SLC25A27: variants seen among roughly 807,000 people sequenced by gnomAD.
SLC25A27 encodes the protein mitochondrial uncoupling protein 4.
A neutral mutation model predicts 49.1 loss-of-function variants in SLC25A27; 35 were observed. The ratio of observed to expected loss-of-function variants is 0.71; its 90% CI spans 0.54 to 0.95. SLC25A27 has a LOEUF of 0.95. Among genes scored for constraint, SLC25A27 ranks in the 40% least tolerant of loss-of-function variants. SLC25A27 has a pLI of 0.00. For missense variants in SLC25A27, 339 were observed against 397.1 expected (o/e 0.85, Z 1.24); for synonymous variants, 144 against 136.9 (o/e 1.05, Z -0.36).
intron 3 of SLC25A27, among the ~76,000 whole-genome samples, chr6:46,660,720 C>T (rs1763135877): frequency 6.6e-6 from 1 of 152,058 alleles, no homozygotes; most frequent in Admixed American, 6.5e-5. Context: ...AAATCTAAGT[C>T]ACAGCTATAA....
intron 8 of SLC25A27, among the ~76,000 whole-genome samples, chr6:46,672,710 T>A (rs1562042738): frequency 1.3e-5 from 2 of 152,190 alleles, no homozygotes; most frequent in South Asian, 2.1e-4. Context: ...TAAGGTTAGT[T>A]TAAGACCTAT....
intron 3 of SLC25A27, among the ~76,000 whole-genome samples, chr6:46,661,677 G>A (rs1763169161): frequency 6.6e-6 from 1 of 152,224 alleles, no homozygotes; most frequent in South Asian, 2.1e-4. Context: ...GATTAGTTGT[G>A]TGATTTGAGC....
intron 4 of SLC25A27, among the ~76,000 whole-genome samples, chr6:46,663,159 C>T (rs1763214541): frequency 6.6e-6 from 1 of 152,132 alleles, no homozygotes. Context: ...TATTAAAATA[C>T]CACTTAGTTT....
chr6:46,666,681 C>G lies in SLC25A27; in HGVS notation c.619+1795C>G, dbSNP rs147963777. Reference sequence around the variant, plus strand: ...ACTCAGTATCTTCTTTTGGATATCTCAAGCACATTACTTTGAATATGTCCA... The same window carrying G: ...ACTCAGTATCTTCTTTTGGATATCTGAAGCACATTACTTTGAATATGTCCA... On this transcript the variant is annotated intron_variant, in intron 5 of 8. Transcript: ENST00000371347. Among the ~76,000 whole-genome samples, 11 of 152,310 alleles carry G rather than the reference C, an allele frequency of 7.2e-5. No homozygotes were observed. The East Asian group carries it at 2.1e-3, about 29-fold the overall frequency.
In SLC25A27 at chr6:46,662,488, A is replaced by G; in HGVS notation, c.496A>G (p.Lys166Glu). ...QMEGKRKLEG[K>E]PLRFRGVHHA... The stretch of plus-strand genomic sequence containing the variant: ...GGAAGGAAAAAGGAAACTGGAAGGA[A>G]AACCATTGCGGTAAGTTCTCCAATT... Residue 166 changes from lysine to glutamate, a missense_variant, in exon 4 of 9, where the codon AAA (lysine) becomes GAA (glutamate). Transcript: ENST00000371347. 1 of 1,613,854 alleles carries G rather than the reference A, an allele frequency of 6.2e-7. No homozygotes were observed. The highest frequency in any genetic ancestry group is 8.5e-7 in the Non-Finnish European group (1 of 1,179,902).
At chr6:46,671,439 C>A (rs970962437) in intron 8 of SLC25A27, among the ~76,000 whole-genome samples, 11 of 152,106 alleles carry the variant, frequency 7.2e-5, no homozygotes, top group African/African-American at 2.4e-4. Context: ...AAATAAGTTA[C>A]ATCCATTGAC....
intron 3 of SLC25A27, among the ~76,000 whole-genome samples, chr6:46,660,646 C>A (rs185984438): frequency 6.6e-6 from 1 of 152,136 alleles, no homozygotes; most frequent in Non-Finnish European, 1.5e-5. Context: ...CTATTGAAAG[C>A]ATGAGGTGGG....
At chr6:46,674,913 G>T (rs1260619269) in intron 8 of SLC25A27, among the ~76,000 whole-genome samples, 3 of 152,088 alleles carry the variant, frequency 2.0e-5, no homozygotes, top group African/African-American at 7.2e-5. Context: ...CCTGCTTCTG[G>T]TTTTTCTCTA....
At chr6:46,655,535 GTTTTTTTTTTTTTTTTTTTTTTTT>G (rs773585919) in intron 1 of SLC25A27, among the ~76,000 whole-genome samples, 1 of 10,710 alleles carries the variant, frequency 9.3e-5, no homozygotes, top group African/African-American at 3.0e-4. Flanking sequence ...GTTAATGTTT[GTTTTTTTTTTTTTTTTTTTTTTTT>G]TTTTTTTTTT....
rs746671537 is a variant in SLC25A27, at chr6:46,670,177, C to T, written c.747C>T (p.Ala249=). 35 of 1,612,842 alleles carry T rather than the reference C, an allele frequency of 2.2e-5. No homozygotes were observed. The highest frequency in any genetic ancestry group is 4.5e-5 in the East Asian group (2 of 44,776). Residue 249 remains alanine, a synonymous_variant, in exon 7 of 9, where the codon GCC becomes GCT. Transcript: ENST00000371347. ...TAGCTTCTATTCTGGGAACACCAGC[C>T]GATGTCATCAAAAGCAGAATAATGA... ...GLVASILGTP[A]DVIKSRIMNQ...
chr6:46,666,641 A>C (rs1763334978), intron 5 of SLC25A27, among the ~76,000 whole-genome samples: 1 of 152,120 alleles, frequency 6.6e-6, no homozygotes, highest in African/African-American at 2.4e-5. Context: ...TTTCTCTTCC[A>C]AGTTCCAGCT....
intron 1 of SLC25A27, among the ~76,000 whole-genome samples, chr6:46,655,235 A>G (rs988719423): frequency 8.5e-5 from 13 of 152,224 alleles, no homozygotes; most frequent in Admixed American, 5.2e-4. Flanking sequence ...ACTCCATTAC[A>G]TCTTCTGTAT....
Position 46,664,779 on chromosome 6 carries a change from G to A in SLC25A27, c.512G>A (p.Arg171His), listed in dbSNP as rs979488993. ...TTAATTATTATTCTCCTTAGATTTC[G>A]TGGTGTACATCATGCATTTGCAAAA... ...RKLEGKPLRFRGVHHAFAKIL... is the reference protein window; with the variant it reads ...RKLEGKPLRFHGVHHAFAKIL... Residue 171 changes from arginine to histidine, a missense_variant, in exon 5 of 9, where the codon CGT (arginine) becomes CAT (histidine). Coordinates refer to ENST00000371347, the MANE Select transcript of SLC25A27 (RefSeq NM_004277.5). 3.0e-5 allele frequency: 48 copies of A among 1,576,952 alleles called. No homozygotes were observed. The highest frequency in any genetic ancestry group is 3.7e-5 in the Non-Finnish European group (43 of 1,156,432).
At chr6:46,657,760 C>T (rs1763035238) in intron 2 of SLC25A27, among the ~76,000 whole-genome samples, 1 of 152,162 alleles carries the variant, frequency 6.6e-6, no homozygotes, top group Admixed American at 6.5e-5. Flanking sequence ...GTCCCTGTCT[C>T]ATAATCTAAG....
intron 8 of SLC25A27, among the ~76,000 whole-genome samples, chr6:46,672,233 C>G (rs1053417193): frequency 1.6e-4 from 25 of 151,876 alleles, no homozygotes; most frequent in Non-Finnish European, 1.0e-4. Context: ...TATAGAGGGA[C>G]AGTTGGAGTG....
chr6:46,661,449 G>C (rs1176932749), intron 3 of SLC25A27, among the ~76,000 whole-genome samples: 1 of 152,202 alleles, frequency 6.6e-6, no homozygotes, highest in Middle Eastern at 3.2e-3. Context: ...AAAAGAATGA[G>C]GCTGCTCTAT....
chr6:46,655,778 A>G, intron 1 of SLC25A27, 65 bp from the exon 2 acceptor site: 2 of 1,399,174 alleles, frequency 1.4e-6, no homozygotes. Context: ...TACTCCTATG[A>G]TTTTAGATTT....
At chr6:46,666,716 C>G (rs1256136871) in intron 5 of SLC25A27, among the ~76,000 whole-genome samples, 1 of 152,174 alleles carries the variant, frequency 6.6e-6, no homozygotes, top group Admixed American at 6.5e-5. Context: ...AAACCAAACT[C>G]TTTTATCACA....
At chr6:46,665,563 G>A (rs1225930026) in intron 5 of SLC25A27, among the ~76,000 whole-genome samples, 5 of 152,104 alleles carry the variant, frequency 3.3e-5, no homozygotes, top group Admixed American at 6.6e-5. Flanking sequence ...GCAGGTGCCT[G>A]TAGTCCCAGC....
Sources: allele counts gnomAD v4.1 joint callset (sites outside exome capture counted in the v4.1 genomes callset), GRCh38; gene constraint gnomAD v4.1.1; transcripts MANE v1.5; gene names NCBI Gene and HGNC (gene_info 2026-07-23, HGNC 2026-07-21).